Variants in PRAG1 observed in about 807,000 individuals in gnomAD.
PRAG1 encodes PEAK1 related, kinase-activating pseudokinase 1, also known as inactive tyrosine-protein kinase PRAG1.
Under a neutral mutation model 95.6 loss-of-function variants are expected in PRAG1, and 110 were observed. The ratio of observed to expected loss-of-function variants is 1.15; its 90% CI spans 0.99 to 1.35. PRAG1 has a LOEUF of 1.35. PRAG1 is among the 40% of genes most tolerant of loss of function. PRAG1 has a pLI of 0.00. For missense variants in PRAG1, 2,554 were observed against 1,864.7 expected (o/e 1.37, Z -6.81); for synonymous variants, 1,052 against 819.4 (o/e 1.28, Z -4.85).
At chr8:8,333,153 A>T (rs896732606) in intron 4 of PRAG1, among the ~76,000 whole-genome samples, 1 of 152,206 alleles carries the variant, frequency 6.6e-6, no homozygotes, top group Admixed American at 6.5e-5. Flanking sequence ...CTTACAATTA[A>T]GGGTGCAAAA....
At chr8:8,373,242 C>G (rs1240247228) in intron 3 of PRAG1, among the ~76,000 whole-genome samples, 1 of 149,620 alleles carries the variant, frequency 6.7e-6, no homozygotes, top group Non-Finnish European at 1.5e-5. Context: ...CTGGCACTAT[C>G]CCCAGCGGAG....
chr8:8,326,511 C>T (rs1383532447), intron 5 of PRAG1, among the ~76,000 whole-genome samples: 2 of 152,058 alleles, frequency 1.3e-5, no homozygotes, highest in African/African-American at 4.8e-5. Context: ...AATCAAGGAA[C>T]AGCAAAAGAA....
chr8:8,318,580 C>T lies in PRAG1; in HGVS notation c.3795G>A (p.Leu1265=), dbSNP rs775442430. The T allele has an allele frequency of 3.7e-6, 6 of 1,613,656 alleles. No individual in the cohort carries two copies. Among genetic ancestry groups the T allele is most frequent in the Non-Finnish European group, 5.1e-6 (6 of 1,179,940 alleles). The change falls in exon 6 of 6, where the codon CTG becomes CTA. Residue 1265 remains leucine, a synonymous_variant. Transcript: ENST00000615670. This position sits in a 1 kb window ranked among gnomAD's most constrained non-coding sequence, Gnocchi z 4.2. ...GCACCTCGAACGGGTTGGGTTGGTG[C>T]AGCAGCTCGTAGATGAGGATGCCTG... ...FQTGILIYEL[L]HQPNPFEVRA...
chr8:8,383,621 C>G (rs1050273153), intron 1 of PRAG1, among the ~76,000 whole-genome samples: 2 of 152,102 alleles, frequency 1.3e-5, no homozygotes, highest in Non-Finnish European at 2.9e-5. Flanking sequence ...CCCACTGCAT[C>G]TTTAAGCTAA....
Position 8,376,514 on chromosome 8 carries a change from G to T in PRAG1, c.1895C>A (p.Thr632Asn), listed in dbSNP as rs1392965311. ...CTCTATCCGGCACTGACGACTCCAG[G>T]TGCCTGCCTGGAACCTGGGCCGCCT... ...EQRRPRFQAG[T>N]WSRQCRIEEE... The change falls in exon 3 of 6, where the codon ACC becomes AAC. Residue 632 changes from threonine (T) to asparagine (N), a missense_variant. Physicochemically the swap from Thr to Asn is moderately conservative, Grantham distance 65. Transcript: ENST00000615670. The T allele has an allele frequency of 2.5e-6, 4 of 1,610,378 alleles. No homozygotes were observed. The highest frequency in any genetic ancestry group is 3.3e-5 in the Admixed American group (2 of 59,898).
intron 3 of PRAG1, among the ~76,000 whole-genome samples, chr8:8,363,206 C>T (rs1296248496): frequency 6.6e-6 from 1 of 151,680 alleles, no homozygotes; most frequent in Non-Finnish European, 1.5e-5. Context: ...ACTATTACTT[C>T]TAACACTTAT....
At chr8:8,380,338 C>A (rs13273716) in intron 2 of PRAG1, among the ~76,000 whole-genome samples, 1 of 152,004 alleles carries the variant, frequency 6.6e-6, no homozygotes, top group East Asian at 1.9e-4. Flanking sequence ...GTGGCTCACG[C>A]CTATAATCTC....
intron 4 of PRAG1, among the ~76,000 whole-genome samples, chr8:8,333,526 G>A (rs1207822467): frequency 2.0e-5 from 3 of 152,216 alleles, no homozygotes; most frequent in Admixed American, 1.3e-4. Flanking sequence ...GGGAAGAACA[G>A]CTTAACCTCT....
chr8:8,380,280 T>A (rs1375153063), intron 2 of PRAG1, among the ~76,000 whole-genome samples: 10 of 149,816 alleles, frequency 6.7e-5, no homozygotes, highest in South Asian at 2.1e-4. Context: ...CAAAAAAAAA[T>A]AAATAAATAA....
At chr8:8,346,132 T>A (rs992990948) in intron 3 of PRAG1, among the ~76,000 whole-genome samples, 1 of 152,216 alleles carries the variant, frequency 6.6e-6, no homozygotes, top group South Asian at 2.1e-4. Flanking sequence ...CTCAATGCGG[T>A]ATAACAAGAC....
intron 3 of PRAG1, among the ~76,000 whole-genome samples, chr8:8,366,525 G>A (rs1800013518): frequency 6.6e-6 from 1 of 152,036 alleles, no homozygotes; most frequent in African/African-American, 2.4e-5. Flanking sequence ...TGTTGGCCAG[G>A]CTGGTCTTGA....
chr8:8,383,720 G>C (rs769421021), intron 1 of PRAG1, among the ~76,000 whole-genome samples: 3 of 152,168 alleles, frequency 2.0e-5, no homozygotes, highest in African/African-American at 4.8e-5. Context: ...CTGTTAGCTA[G>C]GTTCTTCTCC....
Position 8,376,942 on chromosome 8 carries a change from G to A in PRAG1, c.1467C>T (p.Tyr489=), listed in dbSNP as rs1456150415. ...AHPEEDHRTI[Y]LSSPDSAVGV... ...CCACTGCAGAGTCAGGGCTGCTCAGGTAGATCGTCCGATGGTCCTCTTCCG... is the reference window on the plus strand; with the variant it reads ...CCACTGCAGAGTCAGGGCTGCTCAGATAGATCGTCCGATGGTCCTCTTCCG... The change falls in exon 3 of 6, where the codon TAC becomes TAT. Residue 489 remains tyrosine (Y), a synonymous_variant. Transcript: ENST00000615670. The A allele has an allele frequency of 6.2e-7, 1 of 1,613,440 alleles. No individual in the cohort carries two copies. Among genetic ancestry groups the A allele is most frequent in the Non-Finnish European group, 8.5e-7 (1 of 1,180,022 alleles).
At chr8:8,380,385 G>A (rs1270210307) in intron 2 of PRAG1, among the ~76,000 whole-genome samples, 1 of 151,258 alleles carries the variant, frequency 6.6e-6, no homozygotes, top group Non-Finnish European at 1.5e-5. Context: ...GATCACTTGA[G>A]GTCAGGAGTT....
chr8:8,372,468 T>C (rs1467669983), intron 3 of PRAG1, among the ~76,000 whole-genome samples: 1 of 152,216 alleles, frequency 6.6e-6, no homozygotes, highest in African/African-American at 2.4e-5. Flanking sequence ...AGAGACTCTG[T>C]GAGATCCATC....
In PRAG1 at chr8:8,318,000, G is replaced by T. The variant is rs1273696046; in HGVS notation, c.*154C>A. 3.5e-5 allele frequency: 18 copies of T among 511,004 alleles called. No individual in the cohort carries two copies. The highest frequency in any genetic ancestry group is 5.2e-5 in the Non-Finnish European group (17 of 328,682). The allele number at this position is 511,004 out of a possible 1,614,324, so 31.7% of individuals were successfully genotyped here. On this transcript the variant is annotated 3_prime_UTR_variant, in exon 6 of 6. Coordinates refer to ENST00000615670, the MANE Select transcript of PRAG1 (RefSeq NM_001080826.3). ...TCCTTAGTCTTTCATATTTATATATGGTATATGTATTTTCTATATATATAT... is the reference window on the plus strand; with the variant it reads ...TCCTTAGTCTTTCATATTTATATATTGTATATGTATTTTCTATATATATAT...
chr8:8,384,537 C>T (rs185004576), intron 1 of PRAG1, among the ~76,000 whole-genome samples: 2 of 143,330 alleles, frequency 1.4e-5, no homozygotes, highest in Admixed American at 7.4e-5. Flanking sequence ...TTCCCACTGT[C>T]ATTGACTCAC....
chr8:8,343,217 T>C (rs964536003), intron 3 of PRAG1, among the ~76,000 whole-genome samples: 2 of 149,034 alleles, frequency 1.3e-5, no homozygotes, highest in African/African-American at 5.2e-5. Context: ...CAGATCAGAC[T>C]GACAACGTCA....
chr8:8,365,648 T>A (rs558316918), intron 3 of PRAG1, among the ~76,000 whole-genome samples: 2 of 150,518 alleles, frequency 1.3e-5, no homozygotes, highest in East Asian at 3.9e-4. Context: ...TAAATAAATA[T>A]ATGCAACAAG....
Sources: gnomAD v4.1 joint callset for allele counts (sites outside exome capture counted in the v4.1 genomes callset) on GRCh38, gnomAD v4.1.1 for gene constraint, Gnocchi (gnomAD v3.1) non-coding constraint, MANE v1.5 for transcripts, NCBI Gene and HGNC (gene_info 2026-07-23, HGNC 2026-07-21) for gene names.